The following EPC2 variants were observed in gnomAD, a reference collection of about 807,000 sequenced individuals.
EPC2 encodes enhancer of polycomb 2, also known as enhancer of polycomb homolog 2.
A neutral mutation model predicts 92.1 loss-of-function variants in EPC2; 14 were observed. That is an observed-to-expected ratio of 0.15 (90% confidence interval 0.10 to 0.24). The LOEUF is 0.24. Among genes scored for constraint, EPC2 ranks in the 10% least tolerant of loss-of-function variants. EPC2 has a pLI of 1.00. For synonymous variants in EPC2, 340 were observed against 334.7 expected (o/e 1.02, Z -0.17); for missense variants, 755 against 971.5 (o/e 0.78, Z 2.96).
chr2:148,761,555 T>A (rs1307594329), intron 4 of EPC2, among the ~76,000 whole-genome samples: 1 of 152,196 alleles, frequency 6.6e-6, no homozygotes, highest in African/African-American at 2.4e-5. Context: ...CATTCTACCT[T>A]TTCAACAGCT....
At chr2:148,666,761 C>T (rs1288472381) in intron 1 of EPC2, among the ~76,000 whole-genome samples, 2 of 152,196 alleles carry the variant, frequency 1.3e-5, no homozygotes, top group Admixed American at 6.5e-5. Flanking sequence ...CCATCCCAGG[C>T]CTACTGAATC....
intron 7 of EPC2, among the ~76,000 whole-genome samples, chr2:148,767,950 T>C (rs1683448721): frequency 6.6e-6 from 1 of 152,200 alleles, no homozygotes; most frequent in Admixed American, 6.5e-5. Flanking sequence ...CCTTTCAAAT[T>C]TCAGGTTTGA....
intron 1 of EPC2, among the ~76,000 whole-genome samples, chr2:148,648,401 C>G (rs780409642): frequency 6.6e-6 from 1 of 152,192 alleles, no homozygotes; most frequent in Admixed American, 6.5e-5. Flanking sequence ...AGTAAAATGT[C>G]ATACATTTCA....
In EPC2 at chr2:148,770,803, C is replaced by G; in HGVS notation, c.1242C>G (p.Asp414Glu). The G allele has an allele frequency of 6.2e-7, 1 of 1,608,220 alleles. No individual in the cohort carries two copies. The highest frequency in any genetic ancestry group is 8.5e-7 in the Non-Finnish European group (1 of 1,178,506). ...TTCTTTCTTTGCAGCCTCGTTTGGA[C>G]CAAGCTAACCATTCATGTGAAAATT... ...AGCQYYAPRL[D>E]QANHSCENSE... is the part of the protein sequence containing the mutation. Residue 414 changes from aspartate (D) to glutamate (E), a missense_variant, in exon 9 of 14, where the codon GAC (aspartate) becomes GAG (glutamate). Transcript: ENST00000258484.
At chr2:148,780,274 A>G (rs895930522) in intron 10 of EPC2, among the ~76,000 whole-genome samples, 5 of 152,320 alleles carry the variant, frequency 3.3e-5, no homozygotes, top group Admixed American at 6.5e-5. Context: ...TTATAGTCCA[A>G]TACAAATTTT....
intron 2 of EPC2, among the ~76,000 whole-genome samples, chr2:148,700,451 C>T (rs936742437): frequency 2.0e-5 from 3 of 151,738 alleles, no homozygotes; most frequent in Non-Finnish European, 4.4e-5. Context: ...GGGATGTCAC[C>T]GTTCTAGCAC....
intron 2 of EPC2, among the ~76,000 whole-genome samples, chr2:148,742,379 T>A (rs1682895308): frequency 6.6e-6 from 1 of 152,216 alleles, no homozygotes; most frequent in Non-Finnish European, 1.5e-5. Context: ...CTTTGCTGAG[T>A]GAAACCTATT....
intron 1 of EPC2, among the ~76,000 whole-genome samples, chr2:148,667,761 T>C (rs1558802997): frequency 6.6e-6 from 1 of 152,254 alleles, no homozygotes; most frequent in Non-Finnish European, 1.5e-5. Flanking sequence ...AGTTGTAGTT[T>C]TTTTTGTAAT....
chr2:148,647,684 G>A (rs1159054328), intron 1 of EPC2, among the ~76,000 whole-genome samples: 1 of 123,078 alleles, frequency 8.1e-6, no homozygotes, highest in African/African-American at 3.1e-5. Flanking sequence ...CCAGGCTGGA[G>A]TGCAGTGGCG....
intron 2 of EPC2, among the ~76,000 whole-genome samples, chr2:148,734,930 G>A (rs1467603927): frequency 6.6e-6 from 1 of 151,088 alleles, no homozygotes; most frequent in Non-Finnish European, 1.5e-5. Context: ...TATCATTGAA[G>A]GACATTTGAA....
chr2:148,715,889 C>G (rs1682252154), intron 2 of EPC2, among the ~76,000 whole-genome samples: 1 of 152,100 alleles, frequency 6.6e-6, no homozygotes, highest in African/African-American at 2.4e-5. Flanking sequence ...TGTGTCCTCT[C>G]TGATTTCTTT....
chr2:148,709,893 C>T (rs1574596754), intron 2 of EPC2, among the ~76,000 whole-genome samples: 1 of 151,590 alleles, frequency 6.6e-6, no homozygotes, highest in Non-Finnish European at 1.5e-5. Flanking sequence ...CCATAAAAAC[C>T]CTAGAAGAAA....
chr2:148,755,597 T>TA (rs1466961430), intron 4 of EPC2, among the ~76,000 whole-genome samples: 1 of 152,198 alleles, frequency 6.6e-6, no homozygotes, highest in Non-Finnish European at 1.5e-5. Context: ...CACAAGTACT[T>TA]ACCTTATGTT....
chr2:148,712,765 C>G (rs1046360582), intron 2 of EPC2, among the ~76,000 whole-genome samples: 3 of 151,216 alleles, frequency 2.0e-5, no homozygotes, highest in Admixed American at 6.6e-5. Flanking sequence ...TTCCTATAGT[C>G]CTAACTACCC....
In EPC2 at chr2:148,644,990, C is replaced by G. The variant is rs755475802; in HGVS notation, c.-28C>G. ...CCCCGCCCGCCCCGCCGCCGCCGCCCGGGCTGTTCCTGTAAGGCGGGGAGA... is the reference window on the plus strand; with the variant it reads ...CCCCGCCCGCCCCGCCGCCGCCGCCGGGGCTGTTCCTGTAAGGCGGGGAGA... On this transcript the variant is annotated 5_prime_UTR_variant, in exon 1 of 14. Coordinates refer to ENST00000258484, the MANE Select transcript of EPC2 (RefSeq NM_015630.4). 5.2e-6 allele frequency: 8 copies of G among 1,539,024 alleles called. No homozygotes were observed. Among genetic ancestry groups the G allele is most frequent in the Non-Finnish European group, 6.1e-6 (7 of 1,141,438 alleles).
At chr2:148,731,881 G>T (rs995372296) in intron 2 of EPC2, among the ~76,000 whole-genome samples, 11 of 152,156 alleles carry the variant, frequency 7.2e-5, no homozygotes, top group African/African-American at 2.4e-4. Flanking sequence ...ACAGTCCAAA[G>T]AATTTTTCCT....
intron 1 of EPC2, among the ~76,000 whole-genome samples, chr2:148,650,283 C>T (rs1033551926): frequency 6.6e-6 from 1 of 152,108 alleles, no homozygotes; most frequent in African/African-American, 2.4e-5. Flanking sequence ...CCCCCAATAT[C>T]TATCTATATA....
intron 2 of EPC2, among the ~76,000 whole-genome samples, chr2:148,726,753 G>GTTTTTTTTTTTGTTTTTTTTTTTT (rs1682503554): frequency 1.1e-5 from 1 of 87,928 alleles, no homozygotes. Context: ...TTTTTTTTTT[G>GTTTTTTTTTTTGTTTTTTTTTTTT]TTTTGTTTTT....
chr2:148,764,121 C>T (rs1363852824), intron 6 of EPC2, among the ~76,000 whole-genome samples: 1 of 152,168 alleles, frequency 6.6e-6, no homozygotes, highest in East Asian at 1.9e-4. Context: ...TTTTATATCT[C>T]ACTAAATATA....
Sources: allele counts gnomAD v4.1 joint callset (sites outside exome capture counted in the v4.1 genomes callset), GRCh38; gene constraint gnomAD v4.1.1; transcripts MANE v1.5; gene names NCBI Gene and HGNC (gene_info 2026-07-23, HGNC 2026-07-21).